Variants in PCDH15 observed in about 807,000 individuals in gnomAD.
PCDH15 encodes the protein protocadherin-15.
In PCDH15, 129 loss-of-function variants were observed where a neutral mutation model predicts 178.5. The ratio of observed to expected loss-of-function variants is 0.72; its 90% CI spans 0.63 to 0.84. The LOEUF is 0.84. Ranked by LOEUF, PCDH15 falls within the 40% of genes least tolerant of loss-of-function variation. The probability of loss-of-function intolerance (pLI) is 0.00; values close to 1 mark genes in which losing one functional copy is unlikely to be tolerated. For synonymous variants in PCDH15, 800 were observed against 732.0 expected (o/e 1.09, Z -1.50); for missense variants, 2,230 against 2,099.9 (o/e 1.06, Z -1.21).
chr10:54,223,299 C>T (rs537569114), intron 9 of PCDH15, among the ~76,000 whole-genome samples: 2 of 74,286 alleles, frequency 2.7e-5, no homozygotes, highest in South Asian at 6.8e-4. Context: ...AACAAAACTA[C>T]GTCTCAAAAA....
chr10:54,523,383 T>C (rs1289022454), intron 3 of PCDH15, among the ~76,000 whole-genome samples: 1 of 152,172 alleles, frequency 6.6e-6, no homozygotes, highest in African/African-American at 2.4e-5. Context: ...TTGAGTATAC[T>C]TAACAGATTC....
intron 2 of PCDH15, among the ~76,000 whole-genome samples, chr10:55,554,450 T>G (rs1229940966): frequency 6.6e-6 from 1 of 152,054 alleles, no homozygotes; most frequent in East Asian, 1.9e-4. Context: ...ACATCTTACC[T>G]TAGTGAGGTA....
At chr10:54,003,856 A>C (rs187216644) in intron 20 of PCDH15, among the ~76,000 whole-genome samples, 104 of 152,032 alleles carry the variant, frequency 6.8e-4, no homozygotes, top group African/African-American at 2.5e-3. Flanking sequence ...AACTATAGGC[A>C]ATCTCCTTGA....
At chr10:55,243,191 T>C (rs1011727709) in intron 1 of PCDH15, among the ~76,000 whole-genome samples, 3 of 152,206 alleles carry the variant, frequency 2.0e-5, no homozygotes, top group South Asian at 2.1e-4. Flanking sequence ...ATAATGAGCA[T>C]AATACAGTGC....
At chr10:54,593,348 A>C (rs1211926218) in intron 2 of PCDH15, among the ~76,000 whole-genome samples, 1 of 152,006 alleles carries the variant, frequency 6.6e-6, no homozygotes, top group Non-Finnish European at 1.5e-5. Context: ...GTTAATTTTT[A>C]TTTTTGTATG....
chr10:55,422,729 C>T (rs971181088), intron 2 of PCDH15, among the ~76,000 whole-genome samples: 1 of 151,720 alleles, frequency 6.6e-6, no homozygotes, highest in African/African-American at 2.4e-5. Flanking sequence ...GTATGTTGTG[C>T]TCGGCATGGG....
In PCDH15 at chr10:55,406,124, A is replaced by G. The variant is rs77268273; in HGVS notation, c.-156+221501T>C. Among the ~76,000 whole-genome samples the G allele has an allele frequency of 7.8e-3, 1,192 of 152,024 alleles. 15 individuals are homozygous for G. The highest frequency in any genetic ancestry group is 0.026 in the African/African-American group (1,070 of 41,472). On this transcript the variant is annotated intron_variant, in intron 2 of 5. Coordinates refer to the PCDH15 transcript ENST00000613346. ...CCCAAATATGTTCATGTAATGGAAA[A>G]GAGGCTAGAGTTCCTGCAGGAGAAT... is the stretch of plus-strand genomic sequence containing the variant.
At chr10:55,114,313 A>G (rs923437419) in intron 2 of PCDH15, among the ~76,000 whole-genome samples, 1 of 152,164 alleles carries the variant, frequency 6.6e-6, no homozygotes. Context: ...GACTAATAAA[A>G]CTACGTTCTT....
chr10:54,966,680 A>G (rs1373933170), intron 2 of PCDH15, among the ~76,000 whole-genome samples: 1 of 152,064 alleles, frequency 6.6e-6, no homozygotes, highest in Admixed American at 6.6e-5. Context: ...TACTGTTCTC[A>G]TGGTAGTGAA....
intron 2 of PCDH15, among the ~76,000 whole-genome samples, chr10:55,144,311 A>C (rs1269746231): frequency 6.6e-6 from 1 of 152,048 alleles, no homozygotes; most frequent in Non-Finnish European, 1.5e-5. Flanking sequence ...TGTGAAGGAA[A>C]ATAATAGAAC....
rs763704132 is a variant in PCDH15 at position 54,774,007 on chromosome 10, C to CTTTTTTTTTT, written c.-29+26908_-29+26917dup. Reference sequence around the variant, plus strand: ...TAGATGAACTGGCATACTTCATAGGCTTTTTTTTTTTTTTTTTTTTTTTTT... The same window carrying CTTTTTTTTTT: ...TAGATGAACTGGCATACTTCATAGGCTTTTTTTTTTTTTTTTTTTTTTTTTTTTTTTTTTT... On this transcript the variant is annotated intron_variant, in intron 1 of 37. Coordinates refer to ENST00000644397, the MANE Select transcript of PCDH15 (RefSeq NM_001384140.1). Among the ~76,000 whole-genome samples, 98 of 75,380 alleles carry CTTTTTTTTTT rather than the reference C, an allele frequency of 1.3e-3. 16 individuals carry two copies. Among genetic ancestry groups the CTTTTTTTTTT allele is most frequent in the Non-Finnish European group, 1.8e-3 (72 of 39,280 alleles). 49.5% of individuals were successfully genotyped at this position (75,380 alleles called of 152,430 possible).
intron 8 of PCDH15, among the ~76,000 whole-genome samples, chr10:54,275,684 C>T (rs1414305230): frequency 2.0e-5 from 3 of 151,182 alleles, no homozygotes; most frequent in African/African-American, 7.3e-5. Context: ...GAGAGAAAAC[C>T]CAATACTAAT....
intron 1 of PCDH15, among the ~76,000 whole-genome samples, chr10:55,190,666 C>T (rs536126686): frequency 4.0e-5 from 6 of 151,718 alleles, no homozygotes; most frequent in Admixed American, 3.9e-4. Context: ...AGAATACCAA[C>T]TGCACATCAA....
intron 1 of PCDH15, among the ~76,000 whole-genome samples, chr10:54,686,423 G>T (rs1424439869): frequency 6.6e-6 from 1 of 152,064 alleles, no homozygotes; most frequent in Admixed American, 6.6e-5. Flanking sequence ...TTAGCAAAAA[G>T]AAGTCCTCAT....
chr10:54,215,374 T>C (rs1283372868), intron 9 of PCDH15, among the ~76,000 whole-genome samples: 1 of 152,138 alleles, frequency 6.6e-6, no homozygotes, highest in East Asian at 1.9e-4. Context: ...TTTCACACCA[T>C]TAAAACCGAC....
intron 2 of PCDH15, among the ~76,000 whole-genome samples, chr10:55,621,425 G>T (rs999020409): frequency 1.3e-5 from 2 of 152,192 alleles, no homozygotes; most frequent in African/African-American, 2.4e-5. Context: ...CCCAGGGGCT[G>T]CAGACCAGTT....
chr10:54,758,034 G>C (rs1466045549), intron 1 of PCDH15, among the ~76,000 whole-genome samples: 2 of 152,112 alleles, frequency 1.3e-5, no homozygotes, highest in Admixed American at 1.3e-4. Flanking sequence ...TACTGGCTAA[G>C]TAGAATATTA....
chr10:54,164,597 G>A (rs971401572), intron 13 of PCDH15, among the ~76,000 whole-genome samples: 6 of 152,192 alleles, frequency 3.9e-5, no homozygotes, highest in African/African-American at 1.2e-4. Flanking sequence ...ACAGTTAAGT[G>A]AATCTATCTA....
chr10:55,514,165 A>G (rs1840953541), intron 2 of PCDH15, among the ~76,000 whole-genome samples: 1 of 152,180 alleles, frequency 6.6e-6, no homozygotes, highest in South Asian at 2.1e-4. Flanking sequence ...ATGAATACCT[A>G]CATAACACAG....
Sources: allele counts gnomAD v4.1 joint callset (sites outside exome capture counted in the v4.1 genomes callset), GRCh38; gene constraint gnomAD v4.1.1; transcripts MANE v1.5; gene names NCBI Gene and HGNC (gene_info 2026-07-23, HGNC 2026-07-21).